The following CYP4F12 variants were observed in gnomAD, a reference collection of about 807,000 sequenced individuals.
CYP4F12 encodes cytochrome P450 4F12.
A neutral mutation model predicts 56.5 loss-of-function variants in CYP4F12; 60 were observed. That is an observed-to-expected ratio of 1.06 (90% CI 0.86 to 1.32). CYP4F12 has a LOEUF of 1.32. Among genes scored for constraint, CYP4F12 ranks in the 40% most tolerant of loss-of-function variants. CYP4F12 has a pLI of 0.00. For synonymous variants in CYP4F12, 263 were observed against 264.9 expected, an observed-to-expected ratio of 0.99 and a Z score of 0.07; for missense variants, 711 against 683.5, an observed-to-expected ratio of 1.04 and a Z score of -0.45.
At position 15,686,464 on chromosome 19, in the gene CYP4F12, T is replaced by C. The variant is rs191663985; in HGVS notation, c.1115+1267T>C. ...GAGGTTTGTGTGTCAGGGAAGGAGA[T>C]GGTTATAAAGGGAGGGAGAAGTAAG... On this transcript the variant is annotated intron_variant, in intron 9 of 12. Transcript: ENST00000550308. Among the ~76,000 whole-genome samples, 24 of 149,566 alleles carry C rather than the reference T, an allele frequency of 1.6e-4. No individual in the cohort carries two copies. In the East Asian group the frequency reaches 2.8e-3, roughly 17 times the overall value.
At chr19:15,694,442 T>C (rs1267601473) in intron 9 of CYP4F12, among the ~76,000 whole-genome samples, 1 of 152,034 alleles carries the variant, frequency 6.6e-6, no homozygotes, top group East Asian at 1.9e-4. Flanking sequence ...TTTTCTTCTC[T>C]TTGAAGCAGT....
chr19:15,696,913 G>A lies in CYP4F12; in HGVS notation c.1403G>A (p.Cys468Tyr), dbSNP rs1429296935. ...GTCCCCACTCCCGCCTGCAGGAACT[G>A]CATCGGGCAGGCGTTCGCCATGGCG... ...FIPFSAGPRN[C>Y]IGQAFAMAEM... The change falls in exon 13 of 13, where the codon TGC becomes TAC. Residue 468 changes from cysteine to tyrosine, a missense_variant. By Grantham distance (194) the Cys-to-Tyr change is radical. Coordinates refer to ENST00000550308, the MANE Select transcript of CYP4F12 (RefSeq NM_023944.4). 6 of 1,612,216 alleles carry A rather than the reference G, an allele frequency of 3.7e-6. No homozygotes were observed. Among genetic ancestry groups the A allele is most frequent in the Middle Eastern group, 1.8e-4 (1 of 5,698 alleles).
intron 9 of CYP4F12, among the ~76,000 whole-genome samples, chr19:15,693,490 C>G (rs1235440382): frequency 6.6e-6 from 1 of 151,804 alleles, no homozygotes; most frequent in Non-Finnish European, 1.5e-5. Context: ...TAAATGTCTT[C>G]TTTTGAGAAG....
intron 9 of CYP4F12, among the ~76,000 whole-genome samples, chr19:15,687,848 T>C (rs1483564138): frequency 1.3e-5 from 2 of 152,192 alleles, no homozygotes; most frequent in Non-Finnish European, 1.5e-5. Context: ...AGGGAAGCCA[T>C]TCCTTATTGT....
At chr19:15,687,083 C>T (rs916932699) in intron 9 of CYP4F12, among the ~76,000 whole-genome samples, 3 of 152,144 alleles carry the variant, frequency 2.0e-5, no homozygotes, top group African/African-American at 2.4e-5. Context: ...CGAGACCATC[C>T]TGGCTAACAC....
At chr19:15,676,050 C>T (rs1441382317) in intron 2 of CYP4F12, among the ~76,000 whole-genome samples, 1 of 152,106 alleles carries the variant, frequency 6.6e-6, no homozygotes, top group African/African-American at 2.4e-5. Context: ...GCCTGAGTCC[C>T]TGGAGTTCTG....
chr19:15,686,696 A>C (rs377066567), intron 9 of CYP4F12, among the ~76,000 whole-genome samples: 2 of 151,970 alleles, frequency 1.3e-5, no homozygotes, highest in Non-Finnish European at 2.9e-5. Flanking sequence ...GTGGTTGAGC[A>C]GGGGAGGGGC....
At chr19:15,694,731 G>A (rs1388518403) in intron 9 of CYP4F12, among the ~76,000 whole-genome samples, 1 of 152,000 alleles carries the variant, frequency 6.6e-6, no homozygotes, top group Non-Finnish European at 1.5e-5. Flanking sequence ...ACTTTATGCA[G>A]CCAAAAAACA....
intron 3 of CYP4F12, 68 bp downstream of exon 3, chr19:15,678,473 G>T (rs1179591140): frequency 7.6e-6 from 12 of 1,584,504 alleles, no homozygotes; most frequent in South Asian, 3.4e-5. Flanking sequence ...CAGTACCCAC[G>T]TCCCTCCTTG....
rs538261642 is a variant in CYP4F12, at chr19:15,674,428, C to T, written c.198+701C>T. On this transcript the variant is annotated intron_variant, in intron 2 of 12. Transcript: ENST00000550308. ...TCACTCACTCATTCCTCTCCTCACT[C>T]GCGCATTCCTCTCATTCGCGCATTC... is the stretch of plus-strand genomic sequence containing the variant. Among the ~76,000 whole-genome samples, 14 of 13,138 alleles carry T rather than the reference C, an allele frequency of 1.1e-3. 6 individuals carry two copies. Among genetic ancestry groups the T allele is most frequent in the African/African-American group, 3.1e-3 (14 of 4,470 alleles). 8.6% of individuals were successfully genotyped at this position (13,138 alleles called of 152,430 possible). A position where few individuals can be genotyped will look rare whatever the true frequency, so the allele number is the denominator to read the frequency against.
In CYP4F12 at chr19:15,680,298, G is replaced by A; in HGVS notation, c.397+1G>A. 5.0e-6 allele frequency: 8 copies of A among 1,612,508 alleles called. No individual in the cohort carries two copies. The highest frequency in any genetic ancestry group is 1.1e-5 in the South Asian group (1 of 90,910). On this transcript the variant is annotated splice_donor_variant, in intron 4 of 12. Coordinates refer to ENST00000550308, the MANE Select transcript of CYP4F12 (RefSeq NM_023944.4). LOFTEE classifies it high-confidence loss of function. ...ATCAGGTTCCTGAAGCCCTGGCTGG[G>A]TGAGTACCTGCAGGTGAAAGGGGTT...
Position 15,685,038 on chromosome 19 carries a change from T to C in CYP4F12, c.986-30T>C, listed in dbSNP as rs76911875. On this transcript the variant is annotated intron_variant, in intron 8 of 12. Coordinates refer to ENST00000550308, the MANE Select transcript of CYP4F12 (RefSeq NM_023944.4). ...CTGGGCGCTGTCCACCCTCCGGTGC[T>C]GAAGCCAAGCTTACCTGGCTGCTCC... 7,238 of 1,607,194 alleles carry C rather than the reference T, an allele frequency of 4.5e-3. 67 individuals carry two copies. The African/African-American group carries it at 0.086, about 19-fold the overall frequency.
rs2007447049 is a variant in CYP4F12, at chr19:15,683,729, C to CT, written c.887dup (p.Leu296PhefsTer5). ...TTCAAAGACAAAGCCAAGTCCAAGA[C>CT]TTTGGATTTCATTGATGTGCTTCTG... On this transcript the variant is annotated frameshift_variant, in exon 7 of 13. Coordinates refer to ENST00000550308, the MANE Select transcript of CYP4F12 (RefSeq NM_023944.4). LOFTEE classifies it high-confidence loss of function. 1 of 1,583,396 alleles carries CT rather than the reference C, an allele frequency of 6.3e-7. No homozygotes were observed. Among genetic ancestry groups the CT allele is most frequent in the African/African-American group, 1.4e-5 (1 of 73,896 alleles).
Position 15,678,406 on chromosome 19 carries a change from G to C in CYP4F12, c.343+1G>C, listed in dbSNP as rs1337296778. The C allele has an allele frequency of 6.2e-7, 1 of 1,614,088 alleles. No homozygotes were observed. The highest frequency in any genetic ancestry group is 8.5e-7 in the Non-Finnish European group (1 of 1,179,972). On this transcript the variant is annotated splice_donor_variant, in intron 3 of 12. Coordinates refer to ENST00000550308, the MANE Select transcript of CYP4F12 (RefSeq NM_023944.4). LOFTEE classifies it high-confidence loss of function. ...ATCCGGTCTATCACCAATGCCTCAG[G>C]TACCCATGCAGAGCTTGTGGTGGTG...
At chr19:15,685,245 G>C in intron 9 of CYP4F12, 48 bp downstream of exon 9, 1 of 1,596,144 alleles carries the variant, frequency 6.3e-7, no homozygotes, top group Non-Finnish European at 8.6e-7. Flanking sequence ...CATTGGTTCT[G>C]CTCCCCAAGT....
At position 15,696,920 on chromosome 19, in the gene CYP4F12, G is replaced by A; in HGVS notation, c.1410G>A (p.Gly470=). 1.2e-6 allele frequency: 2 copies of A among 1,613,200 alleles called. No individual in the cohort carries two copies. Among genetic ancestry groups the A allele is most frequent in the African/African-American group, 1.3e-5 (1 of 75,052 alleles). The change falls in exon 13 of 13, where the codon GGG becomes GGA. Residue 470 remains glycine, a synonymous_variant. Transcript: ENST00000550308. ...PFSAGPRNCI[G]QAFAMAEMKV... is the part of the protein sequence containing the mutation. ...CTCCCGCCTGCAGGAACTGCATCGG[G>A]CAGGCGTTCGCCATGGCGGAGATGA...
At chr19:15,689,143 A>AATAATAATAATAATAATAATAATAATC (rs146012868) in intron 9 of CYP4F12, among the ~76,000 whole-genome samples, 80 of 150,762 alleles carry the variant, frequency 5.3e-4, no homozygotes, top group African/African-American at 1.8e-3. Flanking sequence ...TAATAATAAT[A>AATAATAATAATAATAATAATAATAATC]ATAGCCGACT....
chr19:15,695,641 T>G (rs1243770252), intron 9 of CYP4F12, among the ~76,000 whole-genome samples: 5 of 152,212 alleles, frequency 3.3e-5, no homozygotes, highest in Non-Finnish European at 5.9e-5. Flanking sequence ...GCATTTGAGT[T>G]TGCTTTCTTG....
intron 7 of CYP4F12, chr19:15,684,588 C>A: frequency 2.2e-6 from 1 of 454,244 alleles, no homozygotes; most frequent in African/African-American, 2.0e-5. Context: ...TTCCTGTCAC[C>A]AGGGTCCAAA....
Sources: allele counts gnomAD v4.1 joint callset (sites outside exome capture counted in the v4.1 genomes callset), GRCh38; gene constraint gnomAD v4.1.1; transcripts MANE v1.5; gene names NCBI Gene and HGNC (gene_info 2026-07-23, HGNC 2026-07-21).